The following ING4 variants were observed in gnomAD, a reference collection of about 807,000 sequenced individuals.
The protein encoded by ING4 is inhibitor of growth family member 4.
A neutral mutation model predicts 33.1 loss-of-function variants in ING4; 28 were observed. The observed-to-expected ratio is 0.85, with a 90% CI of 0.63 to 1.16. The LOEUF (loss-of-function observed/expected upper bound fraction) is 1.16, where lower values mean the gene tolerates loss of function less well. Among genes scored for constraint, ING4 ranks in the 50% most tolerant of loss-of-function variants. The pLI is 0.00. For missense variants in ING4, 247 were observed against 314.7 expected, an observed-to-expected ratio of 0.78 and a Z score of 1.63; for synonymous variants, 87 against 104.4, an observed-to-expected ratio of 0.83 and a Z score of 1.02.
chr12:6,651,399 AAAG>A lies in ING4; in HGVS notation c.646-17_646-15del, dbSNP rs1309511642. The A allele has an allele frequency of 1.4e-5, 23 of 1,613,078 alleles. No individual in the cohort carries two copies. The highest frequency in any genetic ancestry group is 2.0e-5 in the Non-Finnish European group (23 of 1,179,154). On this transcript the variant is annotated splice_polypyrimidine_tract_variant and intron_variant, in intron 6 of 7. Transcript: ENST00000341550. ...CTCAATGGAACACTGGAAGAGGAAG[AAAG>A]AAGTAGTCAGGGGCCAGGAAGGGCC...
intron 6 of ING4, among the ~76,000 whole-genome samples, chr12:6,651,932 A>G (rs916874074): frequency 2.8e-5 from 4 of 145,124 alleles, no homozygotes; most frequent in Non-Finnish European, 5.9e-5. Flanking sequence ...AGCTCACTGC[A>G]ACCTCTGCCT....
Position 6,652,959 on chromosome 12 carries a change from C to T in ING4, c.368G>A (p.Ser123Asn), listed in dbSNP as rs781457492. The T allele has an allele frequency of 3.1e-6, 5 of 1,614,004 alleles. No individual in the cohort carries two copies. In the Middle Eastern group the frequency reaches 4.9e-4, roughly 160 times the overall value. Reference sequence around the variant, plus strand: ...ACTCTTTTTGCCTTTGCTGGAAGAGCTGTCATAGTCACTTGACTCAATCTG... The same window carrying T: ...ACTCTTTTTGCCTTTGCTGGAAGAGTTGTCATAGTCACTTGACTCAATCTG... ...EKQIESSDYD[S>N]SSSKGKKSRT... The change falls in exon 4 of 8, where the codon AGC becomes AAC. Residue 123 changes from serine (S) to asparagine (N), a missense_variant. Around this residue, in one of 3 missense-constraint regions of ING4, gnomAD observed 198 missense variants for 221.2 expected, o/e 0.89. Transcript: ENST00000341550.
At chr12:6,655,529 C>A (rs1017233522) in intron 2 of ING4, 2 of 889,220 alleles carry the variant, frequency 2.2e-6, no homozygotes, top group Admixed American at 5.1e-5. Flanking sequence ...TCATTCCAGG[C>A]TCTTGGAAGA....
intron 1 of ING4, chr12:6,657,700 G>C (rs1949406925): frequency 6.6e-6 from 1 of 151,944 alleles, no homozygotes; most frequent in African/African-American, 2.4e-5. Flanking sequence ...GGGAGGTTGA[G>C]GCGGGTGGAT....
rs1949206624 is a variant in ING4, at chr12:6,652,254, G to C, written c.645+17C>G. 6.2e-7 allele frequency: 1 copy of C among 1,611,742 alleles called. No homozygotes were observed. On this transcript the variant is annotated intron_variant, in intron 6 of 7. Transcript: ENST00000341550. ...TGCCCCTCACAACCCCCCATCCTAAGGCAAAATGTTTCTCACATCAGGGTT... is the reference window on the plus strand; with the variant it reads ...TGCCCCTCACAACCCCCCATCCTAACGCAAAATGTTTCTCACATCAGGGTT...
rs750965863 is a variant in ING4 at position 6,652,679 on chromosome 12, C to G, written c.480G>C (p.Lys160Asn). The change falls in exon 5 of 8, where the codon AAG (lysine) becomes AAC (asparagine). Residue 160 changes from lysine to asparagine, a missense_variant. Physicochemically the swap from Lys to Asn is moderately conservative, Grantham distance 94. Coordinates refer to ENST00000341550, the MANE Select transcript of ING4 (RefSeq NM_016162.4). ...DEEAPKTAQK[K>N]LKLVRTSPEY... ...TCACTCACGTGCGCACGAGCTTTAA[C>G]TTCTTCTGGGCAGTCTTGGGGGCTT... 16 of 1,614,038 alleles carry G rather than the reference C, an allele frequency of 9.9e-6. No homozygotes were observed. In the East Asian group the frequency reaches 3.6e-4, roughly 36 times the overall value.
At position 6,651,052 on chromosome 12, in the gene ING4, G is replaced by A. The variant is rs1157417644; in HGVS notation, c.*143C>T. The A allele has an allele frequency of 4.4e-6, 4 of 900,990 alleles. No individual in the cohort carries two copies. The highest frequency in any genetic ancestry group is 1.7e-5 in the African/African-American group (1 of 60,456). 55.8% of individuals were successfully genotyped at this position (900,990 alleles called of 1,614,324 possible). A position where few individuals can be genotyped will look rare whatever the true frequency, so the allele number is the denominator to read the frequency against. On this transcript the variant is annotated 3_prime_UTR_variant, in exon 8 of 8. Transcript: ENST00000341550. ...GTCTGATGCAGCCTCAGCACCGGGA[G>A]TGGGGAGAGGGGAGGAGAAGGGATG...
intron 2 of ING4, chr12:6,655,976 C>CT (rs1216988011): frequency 6.7e-6 from 3 of 450,264 alleles, no homozygotes; most frequent in Non-Finnish European, 1.3e-5. Flanking sequence ...TTTCCTCTTT[C>CT]TTTTTTCTTT....
Position 6,651,413 on chromosome 12 carries a change from G to A in ING4, c.646-28C>T, listed in dbSNP as rs371999289. The A allele has an allele frequency of 8.9e-6, 14 of 1,576,942 alleles. No homozygotes were observed. The African/African-American group carries it at 1.5e-4, about 17-fold the overall frequency. The stretch of plus-strand genomic sequence containing the variant: ...GGAAGAGGAAGAAAGAAGTAGTCAG[G>A]GGCCAGGAAGGGCCAGAGGAAGGAG... On this transcript the variant is annotated intron_variant, in intron 6 of 7. Transcript: ENST00000341550.
intron 1 of ING4, among the ~76,000 whole-genome samples, chr12:6,661,434 G>A (rs1327560808): frequency 6.4e-5 from 8 of 125,878 alleles, no homozygotes; most frequent in Non-Finnish European, 1.1e-4. Context: ...TTTTTTGAGA[G>A]GGACACGGAG....
intron 1 of ING4, among the ~76,000 whole-genome samples, chr12:6,660,742 C>G (rs1949521088): frequency 6.6e-6 from 1 of 152,244 alleles, no homozygotes; most frequent in African/African-American, 2.4e-5. Context: ...TTTACCAAAT[C>G]TAATGGTGTT....
intron 1 of ING4, among the ~76,000 whole-genome samples, chr12:6,659,674 G>A (rs962448708): frequency 6.6e-5 from 10 of 151,824 alleles, no homozygotes; most frequent in South Asian, 2.1e-4. Context: ...TTAGCTGGCC[G>A]TGGTGGCGGG....
chr12:6,661,201 G>C (rs538723212), intron 1 of ING4, among the ~76,000 whole-genome samples: 1 of 150,532 alleles, frequency 6.6e-6, no homozygotes, highest in Non-Finnish European at 1.5e-5. Flanking sequence ...AGGTTCAAGC[G>C]ATTCTCCTGC....
At chr12:6,662,979 A>C in intron 1 of ING4, 86 bp downstream of exon 1, 1 of 1,403,852 alleles carries the variant, frequency 7.1e-7, no homozygotes, top group South Asian at 1.2e-5. Flanking sequence ...CCTTCTCGTC[A>C]CTGGAACTTA....
At chr12:6,661,014 G>C (rs988774933) in intron 1 of ING4, among the ~76,000 whole-genome samples, 2 of 150,190 alleles carry the variant, frequency 1.3e-5, no homozygotes, top group Non-Finnish European at 3.0e-5. Context: ...GCTGGTCTTG[G>C]AACTCCTGAC....
chr12:6,662,072 A>G (rs964662189), intron 1 of ING4, among the ~76,000 whole-genome samples: 1 of 152,184 alleles, frequency 6.6e-6, no homozygotes, highest in Non-Finnish European at 1.5e-5. Context: ...ATAAATATCA[A>G]ATACGCTGAC....
Position 6,651,017 on chromosome 12 carries a change from C to T in ING4, c.*178G>A. ...TACCGTTAGTGGCTGCGGCACCCCT[C>T]CCTACCAGGGTCTGATGCAGCCTCA... On this transcript the variant is annotated 3_prime_UTR_variant, in exon 8 of 8. Transcript: ENST00000341550. 1 of 694,546 alleles carries T rather than the reference C, an allele frequency of 1.4e-6. No individual in the cohort carries two copies. Among genetic ancestry groups the T allele is most frequent in the Non-Finnish European group, 2.5e-6 (1 of 400,408 alleles). The allele number at this position is 694,546 out of a possible 1,614,324, so 43.0% of individuals were successfully genotyped here.
intron 6 of ING4, 59 bp from the exon 7 acceptor site, chr12:6,651,444 G>C: frequency 7.0e-7 from 1 of 1,433,118 alleles, no homozygotes; most frequent in Non-Finnish European, 9.8e-7. Context: ...AGGAGAGAAA[G>C]CCCCTCCAGA....
chr12:6,661,309 G>A lies in ING4; in HGVS notation c.37+1756C>T, dbSNP rs1222494098. 2.0e-5 allele frequency among the ~76,000 whole-genome samples: 3 copies of A among 151,718 alleles called. No individual in the cohort carries two copies. In the East Asian group the frequency reaches 5.8e-4, roughly 29 times the overall value. The stretch of plus-strand genomic sequence containing the variant: ...GACGGGGTTTCACCATGTTAGCCAG[G>A]CTGGTCTCGATCTCCTGACCTCATG... On this transcript the variant is annotated intron_variant, in intron 1 of 7. Transcript: ENST00000341550.
Sources: gnomAD v4.1 joint callset for allele counts (sites outside exome capture counted in the v4.1 genomes callset) on GRCh38, gnomAD v4.1.1 for gene constraint, gnomAD v4.1.1 regional missense constraint, MANE v1.5 for transcripts, NCBI Gene and HGNC (gene_info 2026-07-23, HGNC 2026-07-21) for gene names.